BRMS1L: variants seen among roughly 807,000 people sequenced by gnomAD.
BRMS1L encodes the protein breast cancer metastasis-suppressor 1-like protein.
Under a neutral mutation model 50.3 loss-of-function variants are expected in BRMS1L, and 23 were observed. The ratio of observed to expected loss-of-function variants is 0.46; its 90% CI spans 0.33 to 0.65. The LOEUF is 0.65. BRMS1L is among the 30% of genes least tolerant of loss of function. The pLI, the probability that BRMS1L is intolerant of heterozygous loss-of-function variation, is 0.02. For missense variants in BRMS1L, 286 were observed against 386.1 expected (o/e 0.74, Z 2.17); for synonymous variants, 114 against 126.9 (o/e 0.90, Z 0.69).
At chr14:35,868,687 C>T (rs941176419) in intron 9 of BRMS1L, among the ~76,000 whole-genome samples, 2 of 152,098 alleles carry the variant, frequency 1.3e-5, no homozygotes, top group African/African-American at 2.4e-5. Context: ...GCAGGAGGAT[C>T]GCTTGAGCCC....
chr14:35,867,891 A>G lies in BRMS1L; in HGVS notation c.728-15A>G, dbSNP rs2078441769. 6.4e-7 allele frequency: 1 copy of G among 1,566,292 alleles called. No individual in the cohort carries two copies. Among genetic ancestry groups the G allele is most frequent in the South Asian group, 1.2e-5 (1 of 82,422 alleles). ...TGTTTTATTAATATAACAGTTTTTG[A>G]ACTGATCCCTTTAGCACCTGTGAAA... On this transcript the variant is annotated splice_polypyrimidine_tract_variant and intron_variant, in intron 8 of 9. Coordinates refer to ENST00000216807, the MANE Select transcript of BRMS1L (RefSeq NM_032352.4).
At chr14:35,857,509 T>TG (rs982042831) in intron 4 of BRMS1L, among the ~76,000 whole-genome samples, 1 of 151,896 alleles carries the variant, frequency 6.6e-6, no homozygotes, top group African/African-American at 2.4e-5. Context: ...TTTATAGAGA[T>TG]GGGGGTCTTG....
At chr14:35,863,797 A>C in intron 5 of BRMS1L, 73 bp from the exon 6 acceptor site, 2 of 1,380,026 alleles carry the variant, frequency 1.4e-6, no homozygotes, top group Non-Finnish European at 2.0e-6. Context: ...AATAGCCACC[A>C]TAAAATTAGA....
chr14:35,828,930 A>G (rs974202222), intron 1 of BRMS1L, among the ~76,000 whole-genome samples: 1 of 151,740 alleles, frequency 6.6e-6, no homozygotes, highest in African/African-American at 2.4e-5. Flanking sequence ...AGGAGACTGT[A>G]TGGGAATATA....
chr14:35,867,856 C>T (rs2078441230), intron 8 of BRMS1L, 50 bp from the exon 9 acceptor site: 1 of 1,506,178 alleles, frequency 6.6e-7, no homozygotes, highest in African/African-American at 1.4e-5. Context: ...ACCCTTTGTT[C>T]TTCTGACAGT....
At chr14:35,836,568 C>G (rs2077996919) in intron 4 of BRMS1L, among the ~76,000 whole-genome samples, 1 of 152,186 alleles carries the variant, frequency 6.6e-6, no homozygotes, top group African/African-American at 2.4e-5. Flanking sequence ...TCTCAAACAC[C>G]TGGGCTCAAG....
chr14:35,841,997 G>GTTTTT (rs2078070911), intron 4 of BRMS1L, among the ~76,000 whole-genome samples: 1 of 133,558 alleles, frequency 7.5e-6, no homozygotes, highest in African/African-American at 3.0e-5. Flanking sequence ...TGCAATCTCT[G>GTTTTT]CTTTTTTTTT....
chr14:35,832,472 C>G (rs1011639791), intron 2 of BRMS1L, among the ~76,000 whole-genome samples: 2 of 150,836 alleles, frequency 1.3e-5, no homozygotes, highest in East Asian at 2.0e-4. Context: ...CGCCACTGCA[C>G]TCCAGCCTGG....
At chr14:35,832,710 A>G (rs1388807360) in intron 2 of BRMS1L, among the ~76,000 whole-genome samples, 2 of 152,246 alleles carry the variant, frequency 1.3e-5, no homozygotes, top group African/African-American at 4.8e-5. Context: ...AAAAACAAAC[A>G]TTAATAGTGC....
intron 4 of BRMS1L, among the ~76,000 whole-genome samples, chr14:35,846,410 GA>G (rs938030295): frequency 1.4e-5 from 2 of 145,300 alleles, no homozygotes; most frequent in East Asian, 4.0e-4. Flanking sequence ...AAAAAAAAAA[GA>G]AAAAAAAATC....
intron 4 of BRMS1L, among the ~76,000 whole-genome samples, chr14:35,842,492 T>C (rs1299668944): frequency 6.6e-6 from 1 of 152,234 alleles, no homozygotes; most frequent in African/African-American, 2.4e-5. Flanking sequence ...TTTAAGAATA[T>C]TGAATATTGG....
chr14:35,866,931 G>A (rs1290936033), intron 8 of BRMS1L, among the ~76,000 whole-genome samples: 1 of 152,026 alleles, frequency 6.6e-6, no homozygotes, highest in Non-Finnish European at 1.5e-5. Flanking sequence ...TATCCTATTA[G>A]TTTTACTCAT....
chr14:35,856,600 G>A (rs1320548444), intron 4 of BRMS1L, among the ~76,000 whole-genome samples: 1 of 149,318 alleles, frequency 6.7e-6, no homozygotes, highest in Non-Finnish European at 1.5e-5. Context: ...TAATAAGTAT[G>A]TACATTTTTT....
Position 35,841,519 on chromosome 14 carries a change from G to A in BRMS1L, c.441+6596G>A, listed in dbSNP as rs887446592. On this transcript the variant is annotated intron_variant, in intron 4 of 9. Coordinates refer to ENST00000216807, the MANE Select transcript of BRMS1L (RefSeq NM_032352.4). ...TCACTGTGTTAGCCAGGATGGTCTC[G>A]ATCTCCTGACCTCGTGATCTGCCCG... Among the ~76,000 whole-genome samples the A allele has an allele frequency of 2.6e-5, 4 of 152,036 alleles. No individual in the cohort carries two copies. In the East Asian group the frequency reaches 5.8e-4, roughly 22 times the overall value.
intron 4 of BRMS1L, among the ~76,000 whole-genome samples, chr14:35,850,884 T>A (rs2078203348): frequency 6.6e-6 from 1 of 152,224 alleles, no homozygotes; most frequent in South Asian, 2.1e-4. Flanking sequence ...ACAAAAGTTG[T>A]CCCCCAAAAC....
intron 4 of BRMS1L, among the ~76,000 whole-genome samples, chr14:35,848,346 G>T (rs1233930801): frequency 3.3e-5 from 5 of 151,718 alleles, no homozygotes; most frequent in South Asian, 2.1e-4. Flanking sequence ...ATTATTATTA[G>T]TTTTTTTTAT....
chr14:35,869,717 G>A (rs1323608569), intron 9 of BRMS1L, among the ~76,000 whole-genome samples: 3 of 151,928 alleles, frequency 2.0e-5, no homozygotes, highest in Non-Finnish European at 4.4e-5. Flanking sequence ...ATGGTGGCAC[G>A]TGCTTGTAGT....
chr14:35,840,573 C>G (rs148338681), intron 4 of BRMS1L, among the ~76,000 whole-genome samples: 2 of 152,054 alleles, frequency 1.3e-5, no homozygotes, highest in Non-Finnish European at 2.9e-5. Flanking sequence ...TTCAGGGATT[C>G]GACTTCTTCT....
In BRMS1L at chr14:35,868,017, A is replaced by G. The variant is rs1235826532; in HGVS notation, c.839A>G (p.Asp280Gly). 3 of 1,599,904 alleles carry G rather than the reference A, an allele frequency of 1.9e-6. No individual in the cohort carries two copies. Among genetic ancestry groups the G allele is most frequent in the East Asian group, 4.5e-5 (2 of 44,452 alleles). The change falls in exon 9 of 10, where the codon GAT (aspartate) becomes GGT (glycine). Residue 280 changes from aspartate to glycine, a missense_variant. Asp to Gly is a moderately conservative substitution (Grantham distance 94). Coordinates refer to ENST00000216807, the MANE Select transcript of BRMS1L (RefSeq NM_032352.4). ...CAAACAATATGTATTGATAAAAAAG[A>G]TGAATGTCCTACAAGGTAAAAAAGC... is the stretch of plus-strand genomic sequence containing the variant. ...RGQTICIDKKDECPTSAVITT... is the reference protein window; with the variant it reads ...RGQTICIDKKGECPTSAVITT...
Sources: allele counts gnomAD v4.1 joint callset (sites outside exome capture counted in the v4.1 genomes callset), GRCh38; gene constraint gnomAD v4.1.1; transcripts MANE v1.5; gene names NCBI Gene and HGNC (gene_info 2026-07-23, HGNC 2026-07-21).